RNF38: variants seen among roughly 807,000 people sequenced by gnomAD.
The protein encoded by RNF38 is ring finger protein 38.
RNF38 carries 15 observed loss-of-function variants against 67.2 expected under a neutral mutation model. The observed-to-expected ratio is 0.22, with a 90% CI of 0.15 to 0.34. The LOEUF (loss-of-function observed/expected upper bound fraction) is 0.34, where lower values mean the gene tolerates loss of function less well. RNF38 is among the 10% of genes least tolerant of loss of function. The pLI is 1.00. For missense variants in RNF38, 524 were observed against 639.9 expected (o/e 0.82, Z 1.95); for synonymous variants, 220 against 218.8 (o/e 1.01, Z -0.05).
chr9:36,401,745 G>A (rs911434396), upstream of RNF38, among the ~76,000 whole-genome samples: 7 of 152,204 alleles, frequency 4.6e-5, no homozygotes, highest in Non-Finnish European at 8.8e-5. Flanking sequence ...GCAGTCAAGA[G>A]GACATCATGG....
intron 1 of RNF38, among the ~76,000 whole-genome samples, chr9:36,446,977 C>T (rs1839320828): frequency 6.7e-6 from 1 of 148,184 alleles, no homozygotes; most frequent in Non-Finnish European, 1.5e-5. Context: ...AAAAAAAAAA[C>T]ATAGCTGGGT....
chr9:36,400,652 C>G (rs1270337151), upstream of RNF38: 4 of 985,852 alleles, frequency 4.1e-6, no homozygotes, highest in Non-Finnish European at 4.8e-6. Context: ...GGCCAGCTCG[C>G]CAGATCCGCC....
chr9:36,475,715 T>C (rs1840105096), intron 1 of RNF38, among the ~76,000 whole-genome samples: 1 of 150,866 alleles, frequency 6.6e-6, no homozygotes, highest in Non-Finnish European at 1.5e-5. Flanking sequence ...CAGGGGTTAA[T>C]TCCCTAAAGA....
At chr9:36,483,128 T>G (rs1840317903) in intron 1 of RNF38, among the ~76,000 whole-genome samples, 1 of 152,136 alleles carries the variant, frequency 6.6e-6, no homozygotes, top group South Asian at 2.1e-4. Flanking sequence ...TGTTCACGCG[T>G]GTAATCCCAA....
Position 36,374,171 on chromosome 9 carries a change from T to C in RNF38, c.356+1763A>G, listed in dbSNP as rs367662064. ...AAAACATTCCCATGTAATTGGTTAA[T>C]AAGGTACTGGGTAATGTAAAAGTCT... On this transcript the variant is annotated intron_variant, in intron 3 of 11. Transcript: ENST00000259605. Among the ~76,000 whole-genome samples, 113 of 152,342 alleles carry C rather than the reference T, an allele frequency of 7.4e-4. 2 individuals are homozygous for C. In the South Asian group the frequency reaches 0.022, roughly 30 times the overall value.
chr9:36,356,419 G>A lies in RNF38; in HGVS notation c.793C>T (p.Pro265Ser), dbSNP rs1834111033. ...HLPVPYAAFPPLISSDPFLIH... is the reference protein window; with the variant it reads ...HLPVPYAAFPSLISSDPFLIH... ...AGAAATGGATCACTAGAAATAAGGG[G>A]TGGGAATGCAGCATATGGTACTGGT... The change falls in exon 6 of 12, where the codon CCC becomes TCC. Residue 265 changes from proline (P) to serine (S), a missense_variant. Coordinates refer to ENST00000259605, the MANE Select transcript of RNF38 (RefSeq NM_022781.5). 1.2e-6 allele frequency: 2 copies of A among 1,613,716 alleles called. No homozygotes were observed. The highest frequency in any genetic ancestry group is 1.3e-5 in the African/African-American group (1 of 74,850).
intron 2 of RNF38, among the ~76,000 whole-genome samples, chr9:36,411,545 A>G (rs1838325385): frequency 6.6e-6 from 1 of 152,110 alleles, no homozygotes; most frequent in African/African-American, 2.4e-5. Context: ...AATAAACAAA[A>G]TGTGATGTAT....
intron 1 of RNF38, among the ~76,000 whole-genome samples, chr9:36,457,204 T>TA (rs1278245601): frequency 2.0e-5 from 3 of 152,236 alleles, no homozygotes; most frequent in Admixed American, 6.5e-5. Context: ...AGGTACCTGC[T>TA]TTCTTACCAA....
chr9:36,400,361 G>A (rs1837919189), upstream of RNF38: 2 of 1,206,952 alleles, frequency 1.7e-6, no homozygotes, highest in South Asian at 3.0e-5. Flanking sequence ...GCGAGAGAGC[G>A]AGGCCATCTG....
In RNF38 at chr9:36,453,589, G is replaced by A. The variant is rs534417180; in HGVS notation, n.242-28906C>T. 2.6e-5 allele frequency among the ~76,000 whole-genome samples: 4 copies of A among 152,176 alleles called. No homozygotes were observed. In the East Asian group the frequency reaches 7.7e-4, roughly 29 times the overall value. ...AGTAGAGACGGGGTTTCACCATGTT[G>A]GCCAAGCTGGTCTTGAACTCTTGAC... On this transcript the variant is annotated intron_variant and non_coding_transcript_variant, in intron 1 of 3. Coordinates refer to the RNF38 transcript ENST00000488058.
Position 36,456,081 on chromosome 9 carries a change from T to C in RNF38, n.241+31227A>G, listed in dbSNP as rs1431477955. ...TTGATAACAATCCAATAAATAATTT[T>C]TTTTTTGAGACAGAGTCTCGTCTGC... On this transcript the variant is annotated intron_variant and non_coding_transcript_variant, in intron 1 of 3. Coordinates refer to the RNF38 transcript ENST00000488058. Among the ~76,000 whole-genome samples the C allele has an allele frequency of 1.5e-4, 23 of 152,168 alleles. 1 individual carries two copies. Among genetic ancestry groups the C allele is most frequent in the Non-Finnish European group, 1.5e-5 (1 of 68,040 alleles).
intron 2 of RNF38, among the ~76,000 whole-genome samples, chr9:36,409,401 T>C (rs1397664170): frequency 6.6e-6 from 1 of 152,034 alleles, no homozygotes; most frequent in African/African-American, 2.4e-5. Context: ...ATTAGCTACT[T>C]TACTTTTGGG....
At chr9:36,434,217 A>G (rs182625481) in intron 1 of RNF38, among the ~76,000 whole-genome samples, 117 of 139,920 alleles carry the variant, frequency 8.4e-4, no homozygotes, top group South Asian at 1.6e-3. Flanking sequence ...GCTTGCCGAC[A>G]GAGCGAGACT....
intron 3 of RNF38, among the ~76,000 whole-genome samples, chr9:36,371,497 T>G (rs1240043585): frequency 6.7e-6 from 1 of 148,628 alleles, no homozygotes; most frequent in Admixed American, 6.9e-5. Context: ...CAGGCTGGAG[T>G]GCAATGGCAC....
intron 5 of RNF38, among the ~76,000 whole-genome samples, chr9:36,357,239 C>T (rs1834198365): frequency 6.6e-6 from 1 of 152,174 alleles, no homozygotes; most frequent in Admixed American, 6.5e-5. Flanking sequence ...CCTATACTAG[C>T]TGTCTCTACG....
chr9:36,394,766 A>G (rs557925558), intron 1 of RNF38, among the ~76,000 whole-genome samples: 30 of 152,360 alleles, frequency 2.0e-4, no homozygotes, highest in Non-Finnish European at 3.4e-4. Context: ...ACTTTAAAGT[A>G]ACATTCTTTT....
intron 4 of RNF38, among the ~76,000 whole-genome samples, chr9:36,368,117 G>GT (rs1328832157): frequency 6.6e-6 from 1 of 152,188 alleles, no homozygotes; most frequent in African/African-American, 2.4e-5. Flanking sequence ...GACTCCCAAA[G>GT]TGCTGGGATT....
At chr9:36,416,740 A>ATTTTTTTTTTTTTT (rs1491451376) in intron 2 of RNF38, among the ~76,000 whole-genome samples, 2 of 73,032 alleles carry the variant, frequency 2.7e-5, no homozygotes, top group African/African-American at 1.1e-4. Context: ...TGCTGCCTCG[A>ATTTTTTTTTTTTTT]TATTTTTTTT....
intron 1 of RNF38, among the ~76,000 whole-genome samples, chr9:36,474,181 C>A (rs976781066): frequency 9.3e-5 from 14 of 150,722 alleles, no homozygotes; most frequent in Non-Finnish European, 1.5e-5. Context: ...GGCGTGGTGG[C>A]GGGCGCCTGT....
Sources: allele counts gnomAD v4.1 joint callset (sites outside exome capture counted in the v4.1 genomes callset), GRCh38; gene constraint gnomAD v4.1.1; transcripts MANE v1.5; gene names NCBI Gene and HGNC (gene_info 2026-07-23, HGNC 2026-07-21).